TRHDE: variants seen among roughly 807,000 people sequenced by gnomAD.
The protein encoded by TRHDE is thyrotropin-releasing hormone-degrading ectoenzyme.
In TRHDE, 72 loss-of-function variants were observed where a neutral mutation model predicts 125.7. The observed-to-expected ratio is 0.57, with a 90% CI of 0.47 to 0.70. The LOEUF (loss-of-function observed/expected upper bound fraction) is 0.70. Among genes scored for constraint, TRHDE ranks in the 30% least tolerant of loss-of-function variants. The pLI is 0.00. For missense variants in TRHDE, 1,110 were observed against 1,327.1 expected (o/e 0.84, Z 2.54); for synonymous variants, 509 against 509.1 (o/e 1.00, Z 0.00).
At chr12:72,439,583 A>T (rs1405217356) in intron 3 of TRHDE, among the ~76,000 whole-genome samples, 1 of 151,114 alleles carries the variant, frequency 6.6e-6, no homozygotes, top group Admixed American at 6.6e-5. Flanking sequence ...CTGATTTCCT[A>T]TTTTTTTGTT....
At chr12:72,302,975 A>G (rs1013271194) in intron 2 of TRHDE, among the ~76,000 whole-genome samples, 5 of 152,170 alleles carry the variant, frequency 3.3e-5, no homozygotes, top group Non-Finnish European at 5.9e-5. Context: ...GTCTCTAGAC[A>G]TTGCCAAATA....
intron 2 of TRHDE, among the ~76,000 whole-genome samples, chr12:72,341,461 G>T (rs1353011001): frequency 3.3e-5 from 5 of 151,870 alleles, no homozygotes; most frequent in African/African-American, 1.2e-4. Flanking sequence ...GTCTGATTTT[G>T]TTTCTGTTAT....
intron 2 of TRHDE, among the ~76,000 whole-genome samples, chr12:72,345,232 A>T (rs1870265036): frequency 6.6e-6 from 1 of 152,156 alleles, no homozygotes; most frequent in Non-Finnish European, 1.5e-5. Context: ...TGGTTTTATT[A>T]ATATTTTCTC....
intron 3 of TRHDE, among the ~76,000 whole-genome samples, chr12:72,453,618 A>G (rs556072697): frequency 1.3e-5 from 2 of 152,226 alleles, no homozygotes; most frequent in Non-Finnish European, 2.9e-5. Context: ...CTAATAGAGA[A>G]AACAATGAGG....
At chr12:72,093,755 TC>T (rs1874845891) in intron 1 of TRHDE, among the ~76,000 whole-genome samples, 2 of 152,336 alleles carry the variant, frequency 1.3e-5, no homozygotes, top group Admixed American at 1.3e-4. Flanking sequence ...TGTCTATCTG[TC>T]TTCTCTTGCG....
chr12:72,418,691 CA>C lies in TRHDE; in HGVS notation c.1315+40573del, dbSNP rs1431508832. Among the ~76,000 whole-genome samples, 3 of 152,068 alleles carry C rather than the reference CA, an allele frequency of 2.0e-5. No individual in the cohort carries two copies. In the East Asian group the frequency reaches 5.8e-4, roughly 29 times the overall value. On this transcript the variant is annotated intron_variant, in intron 3 of 18. Coordinates refer to ENST00000261180, the MANE Select transcript of TRHDE (RefSeq NM_013381.3). The stretch of plus-strand genomic sequence containing the variant: ...CATCGGAGGTACTCAAAGTGCTTTG[CA>C]AACATTGTTTCATTAATCCTCACAC...
intron 12 of TRHDE, among the ~76,000 whole-genome samples, chr12:72,608,151 C>T (rs879166008): frequency 6.6e-6 from 1 of 152,088 alleles, no homozygotes; most frequent in Admixed American, 6.6e-5. Context: ...CAAAATTCAG[C>T]CCTACAGTTA....
At chr12:72,630,715 G>A (rs1412405628) in intron 15 of TRHDE, among the ~76,000 whole-genome samples, 1 of 151,388 alleles carries the variant, frequency 6.6e-6, no homozygotes, top group African/African-American at 2.4e-5. Flanking sequence ...TTAAGAAAAG[G>A]AGGAATAAAA....
chr12:72,262,687 G>A (rs1013294635), intron 2 of TRHDE: 29 of 152,164 alleles, frequency 1.9e-4, no homozygotes, highest in African/African-American at 6.7e-4. Flanking sequence ...AGAAAGTATT[G>A]TAAACATTAA....
At chr12:72,109,381 A>C (rs4760823) in intron 2 of TRHDE, among the ~76,000 whole-genome samples, 1 of 151,912 alleles carries the variant, frequency 6.6e-6, no homozygotes, top group Admixed American at 6.6e-5. Context: ...AGTCAAAGAA[A>C]AGAGTGTCTA....
At chr12:72,306,970 G>A (rs950425894) in intron 2 of TRHDE, among the ~76,000 whole-genome samples, 2 of 152,130 alleles carry the variant, frequency 1.3e-5, no homozygotes, top group African/African-American at 4.8e-5. Flanking sequence ...GCAGAGGAAT[G>A]CCTAGAATGT....
At chr12:72,247,440 T>C (rs1206578155) in intron 2 of TRHDE, among the ~76,000 whole-genome samples, 1 of 152,160 alleles carries the variant, frequency 6.6e-6, no homozygotes, top group Non-Finnish European at 1.5e-5. Context: ...CCATGAACCA[T>C]ATTTTGAGAA....
At chr12:72,543,797 G>GATTATTATTATTATT (rs57214635) in intron 7 of TRHDE, among the ~76,000 whole-genome samples, 9 of 142,234 alleles carry the variant, frequency 6.3e-5, no homozygotes, top group East Asian at 2.1e-4. Context: ...ATTTGGAAAG[G>GATTATTATTATTATT]ATTATTATTA....
At chr12:72,382,051 G>T (rs563040634) in intron 3 of TRHDE, among the ~76,000 whole-genome samples, 1 of 152,278 alleles carries the variant, frequency 6.6e-6, no homozygotes, top group African/African-American at 2.4e-5. Context: ...AAGGGGGACT[G>T]GTCCCATGCT....
In TRHDE at chr12:72,430,310, T is replaced by TATATATACATATATAC. The variant is rs1340066605; in HGVS notation, c.1316-39438_1316-39437insATATACATATATACAT. Among the ~76,000 whole-genome samples the TATATATACATATATAC allele has an allele frequency of 7.6e-4, 110 of 144,794 alleles. 2 individuals carry two copies. Among genetic ancestry groups the TATATATACATATATAC allele is most frequent in the East Asian group, 4.2e-3 (21 of 5,052 alleles). The allele number at this position is 144,794 out of a possible 152,430, so 95.0% of individuals were successfully genotyped here. On this transcript the variant is annotated intron_variant, in intron 3 of 18. Coordinates refer to ENST00000261180, the MANE Select transcript of TRHDE (RefSeq NM_013381.3). ...GTGTGTGTATATATGTATATATATG[T>TATATATACATATATAC]ATATATACATGTATACATATATACA...
At chr12:72,437,844 T>C (rs968855294) in intron 3 of TRHDE, among the ~76,000 whole-genome samples, 4 of 151,830 alleles carry the variant, frequency 2.6e-5, no homozygotes, top group African/African-American at 9.7e-5. Context: ...TTAACTATGG[T>C]CACCATTTAT....
intron 2 of TRHDE, among the ~76,000 whole-genome samples, chr12:72,115,188 T>C (rs371967410): frequency 1.7e-3 from 254 of 152,142 alleles, no homozygotes; most frequent in South Asian, 0.012. Context: ...TTATTCTATC[T>C]AACTATATTT....
intron 2 of TRHDE, chr12:72,258,040 TA>T (rs1237987299): frequency 2.0e-5 from 3 of 151,758 alleles, no homozygotes; most frequent in Non-Finnish European, 2.9e-5. Context: ...TGCAGAAGGG[TA>T]AATGTATAGT....
intron 3 of TRHDE, among the ~76,000 whole-genome samples, chr12:72,432,670 G>T (rs1298155283): frequency 6.6e-6 from 1 of 152,158 alleles, no homozygotes; most frequent in East Asian, 1.9e-4. Flanking sequence ...AGGGAGAAGC[G>T]ATTGGGAGGA....
Sources: allele counts gnomAD v4.1 joint callset (sites outside exome capture counted in the v4.1 genomes callset), GRCh38; gene constraint gnomAD v4.1.1; transcripts MANE v1.5; gene names NCBI Gene and HGNC (gene_info 2026-07-23, HGNC 2026-07-21).